Variants in CACNG4 observed in about 807,000 individuals in gnomAD.
The protein encoded by CACNG4 is calcium voltage-gated channel auxiliary subunit gamma 4.
A neutral mutation model predicts 22.9 loss-of-function variants in CACNG4; 8 were observed. The ratio of observed to expected loss-of-function variants is 0.35; its 90% CI spans 0.21 to 0.63. The LOEUF (loss-of-function observed/expected upper bound fraction) is 0.63. Ranked by LOEUF, CACNG4 falls within the 30% of genes least tolerant of loss-of-function variation. The probability of loss-of-function intolerance (pLI) is 0.72; values close to 1 mark genes in which losing one functional copy is unlikely to be tolerated. For missense variants in CACNG4, 357 were observed against 455.4 expected (o/e 0.78, Z 1.97); for synonymous variants, 188 against 191.9 (o/e 0.98, Z 0.17).
intron 1 of CACNG4, among the ~76,000 whole-genome samples, chr17:66,966,108 C>T (rs1021998): frequency 1.3e-5 from 2 of 152,252 alleles, no homozygotes; most frequent in Non-Finnish European, 2.9e-5. Flanking sequence ...GCCCCGGGAC[C>T]GTGGGGACAG....
At chr17:66,983,560 C>T (rs985562591) in intron 1 of CACNG4, among the ~76,000 whole-genome samples, 1 of 152,118 alleles carries the variant, frequency 6.6e-6, no homozygotes, top group Admixed American at 6.5e-5. Flanking sequence ...GGCACAGCGT[C>T]GTGACCAGAA....
At chr17:67,007,202 A>T (rs118020655) in intron 1 of CACNG4, among the ~76,000 whole-genome samples, 4,977 of 151,964 alleles carry the variant, frequency 0.033, 122 homozygotes, top group Non-Finnish European at 0.053. Context: ...AACAAACCCA[A>T]ACAGATTCTA....
chr17:66,997,036 C>T (rs1341997586), intron 1 of CACNG4, among the ~76,000 whole-genome samples: 1 of 152,092 alleles, frequency 6.6e-6, no homozygotes, highest in Non-Finnish European at 1.5e-5. Flanking sequence ...AGCAACAGGA[C>T]TCAGGGTCAG....
At position 67,001,703 on chromosome 17, in the gene CACNG4, C is replaced by T. The variant is rs192690246; in HGVS notation, c.221-16486C>T. On this transcript the variant is annotated intron_variant, in intron 1 of 3. Coordinates refer to ENST00000262138, the MANE Select transcript of CACNG4 (RefSeq NM_014405.4). ...GATTTGAATTCAGGGTTCTACTAGA[C>T]GACCAAGTCTGCAGCTGCTCTTCCA... 4.6e-3 allele frequency among the ~76,000 whole-genome samples: 701 copies of T among 152,334 alleles called. 3 individuals are homozygous for T. The highest frequency in any genetic ancestry group is 8.0e-3 in the Non-Finnish European group (541 of 68,022).
chr17:66,965,173 C>T (rs1567747397), intron 1 of CACNG4, 42 bp downstream of exon 1: 1 of 1,123,066 alleles, frequency 8.9e-7, no homozygotes, highest in Admixed American at 2.2e-5. Context: ...CACACACACA[C>T]ACACACACAC....
At chr17:67,019,311 T>G (rs979444131) in intron 2 of CACNG4, among the ~76,000 whole-genome samples, 3 of 152,006 alleles carry the variant, frequency 2.0e-5, no homozygotes, top group African/African-American at 7.2e-5. Flanking sequence ...GCCCAGAACA[T>G]GAACTAATTT....
chr17:67,022,806 G>A (rs2035540054), intron 2 of CACNG4, among the ~76,000 whole-genome samples: 1 of 152,226 alleles, frequency 6.6e-6, no homozygotes, highest in African/African-American at 2.4e-5. Flanking sequence ...CCTTTCCCAA[G>A]CCTTGCTTCC....
rs139952030 is a variant in CACNG4, at chr17:67,024,978, C to T, written c.423C>T (p.Ala141=). The change falls in exon 3 of 4, where the codon GCC becomes GCT. Residue 141 remains alanine (A), a synonymous_variant. Transcript: ENST00000262138. ...GCAAGAACAACATCGTCCTCAGTGC[C>T]GGCATCCTCTTCGTGGCTGCAGGTG... ...YSRKNNIVLS[A]GILFVAAGLS... 3.3e-4 allele frequency: 533 copies of T among 1,599,454 alleles called. 1 individual carries two copies. Among genetic ancestry groups the T allele is most frequent in the Admixed American group, 1.3e-3 (73 of 58,364 alleles).
At chr17:66,965,632 G>T in intron 1 of CACNG4, among the ~76,000 whole-genome samples, 1 of 151,304 alleles carries the variant, frequency 6.6e-6, no homozygotes, top group Admixed American at 6.6e-5. Flanking sequence ...ATCCTGGGGC[G>T]GGGCCGGCCG....
intron 1 of CACNG4, among the ~76,000 whole-genome samples, chr17:67,014,222 G>T (rs1419171943): frequency 6.6e-6 from 1 of 152,282 alleles, no homozygotes; most frequent in East Asian, 1.9e-4. Context: ...ACAGCAAATG[G>T]CCCATGTATG....
intron 1 of CACNG4, among the ~76,000 whole-genome samples, chr17:67,000,723 C>T (rs1471575531): frequency 6.6e-5 from 10 of 152,186 alleles, no homozygotes; most frequent in Non-Finnish European, 8.8e-5. Context: ...GGACTGCTTT[C>T]GGGACGGGGG....
chr17:67,010,116 C>T (rs1351258117), intron 1 of CACNG4, among the ~76,000 whole-genome samples: 7 of 152,126 alleles, frequency 4.6e-5, no homozygotes, highest in Admixed American at 2.0e-4. Context: ...GCCTTCTCTG[C>T]ACACATCAGC....
At chr17:67,015,444 C>T (rs1355466194) in intron 1 of CACNG4, among the ~76,000 whole-genome samples, 1 of 152,172 alleles carries the variant, frequency 6.6e-6, no homozygotes, top group South Asian at 2.1e-4. Flanking sequence ...ACCAAGTGTT[C>T]TGTATCCTGA....
intron 1 of CACNG4, among the ~76,000 whole-genome samples, chr17:67,001,570 C>T (rs1303588390): frequency 6.6e-6 from 1 of 152,214 alleles, no homozygotes; most frequent in East Asian, 1.9e-4. Flanking sequence ...TCCCAGGCCC[C>T]CTCATGCTAC....
chr17:66,976,291 T>C (rs1014734931), intron 1 of CACNG4, among the ~76,000 whole-genome samples: 1 of 152,092 alleles, frequency 6.6e-6, no homozygotes, highest in South Asian at 2.1e-4. Flanking sequence ...GGCTGTCAAA[T>C]TGGCAAATAA....
At chr17:67,017,040 C>A (rs1046079053) in intron 1 of CACNG4, among the ~76,000 whole-genome samples, 2 of 152,078 alleles carry the variant, frequency 1.3e-5, no homozygotes, top group African/African-American at 4.8e-5. Flanking sequence ...GGAATCTGCA[C>A]CAGCTGTGTA....
At chr17:67,015,329 T>C (rs2035490722) in intron 1 of CACNG4, among the ~76,000 whole-genome samples, 1 of 152,030 alleles carries the variant, frequency 6.6e-6, no homozygotes, top group Non-Finnish European at 1.5e-5. Flanking sequence ...ATGACAAAAC[T>C]ATTGACATGG....
chr17:66,969,997 C>T (rs1227789340), intron 1 of CACNG4, among the ~76,000 whole-genome samples: 2 of 152,180 alleles, frequency 1.3e-5, no homozygotes, highest in Admixed American at 6.5e-5. Context: ...TAAGTACCAC[C>T]GGCCAGAATC....
intron 3 of CACNG4, among the ~76,000 whole-genome samples, chr17:67,028,552 C>CAAAAAA (rs367788585): frequency 7.2e-6 from 1 of 139,716 alleles, no homozygotes; most frequent in South Asian, 2.4e-4. Context: ...GACTCCGTCT[C>CAAAAAA]AAAAAAGAAA....
Sources: gnomAD v4.1 joint callset for allele counts (sites outside exome capture counted in the v4.1 genomes callset) on GRCh38, gnomAD v4.1.1 for gene constraint, MANE v1.5 for transcripts, NCBI Gene and HGNC (gene_info 2026-07-23, HGNC 2026-07-21) for gene names.